Variants in RBFOX1 observed in about 807,000 individuals in gnomAD.
The protein encoded by RBFOX1 is RNA binding protein fox-1 homolog 1.
A neutral mutation model predicts 57.7 loss-of-function variants in RBFOX1; 8 were observed. The ratio of observed to expected loss-of-function variants is 0.14; its 90% CI spans 0.08 to 0.25. The LOEUF is 0.25. Among genes scored for constraint, RBFOX1 ranks in the 10% least tolerant of loss-of-function variants. The pLI, the probability that RBFOX1 is intolerant of heterozygous loss-of-function variation, is 1.00. For missense variants in RBFOX1, 611 were observed against 548.5 expected, an observed-to-expected ratio of 1.11 and a Z score of -1.14; for synonymous variants, 326 against 222.4, an observed-to-expected ratio of 1.47 and a Z score of -4.15.
intron 3 of RBFOX1, among the ~76,000 whole-genome samples, chr16:5,691,252 C>T (rs1460029360): frequency 6.6e-6 from 1 of 152,160 alleles, no homozygotes; most frequent in African/African-American, 2.4e-5. Flanking sequence ...CAGAGCAATT[C>T]AGGAGGATTG....
At chr16:7,534,068 G>C (rs1012365010) in intron 5 of RBFOX1, among the ~76,000 whole-genome samples, 1 of 149,780 alleles carries the variant, frequency 6.7e-6, no homozygotes, top group South Asian at 2.2e-4. Flanking sequence ...TCATGTCAAA[G>C]GTCCCAACGT....
At chr16:6,324,418 A>G (rs2082145661) in intron 2 of RBFOX1, among the ~76,000 whole-genome samples, 3 of 152,174 alleles carry the variant, frequency 2.0e-5, no homozygotes, top group Admixed American at 2.0e-4. Flanking sequence ...TACAGGAAGT[A>G]TGATGCTGGC....
rs2059418509 is a variant in RBFOX1, at chr16:5,947,244, A to G, written c.351+79909A>G. 1.3e-5 allele frequency among the ~76,000 whole-genome samples: 2 copies of G among 152,128 alleles called. No individual in the cohort carries two copies. The highest frequency in any genetic ancestry group is 2.4e-5 in the African/African-American group (1 of 41,436). ...AACAAAACAAACCAGAAGAAAGGCT[A>G]CTAAGGCTGGAGAGCACAGTGGGTA... On this transcript the variant is annotated intron_variant, in intron 4 of 19. Transcript: ENST00000641259. This position sits in a 1 kb window ranked among gnomAD's most constrained non-coding sequence, Gnocchi z 7.2.
intron 1 of RBFOX1, among the ~76,000 whole-genome samples, chr16:6,175,171 T>A (rs1452310966): frequency 1.3e-5 from 2 of 152,202 alleles, no homozygotes; most frequent in Non-Finnish European, 2.9e-5. Flanking sequence ...CAGCTTATAT[T>A]CATATTCATA....
rs562558434 is a variant in RBFOX1 at position 6,469,307 on chromosome 16, A to G, written c.-64+152250A>G. 3.9e-5 allele frequency among the ~76,000 whole-genome samples: 6 copies of G among 152,318 alleles called. No individual in the cohort carries two copies. In the South Asian group the frequency reaches 1.2e-3, roughly 32 times the overall value. On this transcript the variant is annotated intron_variant, in intron 2 of 15. Transcript: ENST00000550418. ...CACAAGCCAGTGACTTTCTCAAGTT[A>G]CAACCAAGGTATGGGATTCAAATGA... is the stretch of plus-strand genomic sequence containing the variant.
At chr16:5,557,917 A>G (rs55646071) in intron 2 of RBFOX1, among the ~76,000 whole-genome samples, 53,400 of 152,130 alleles carry the variant, frequency 0.35, 9,845 homozygotes, top group Admixed American at 0.39. Flanking sequence ...AACCAGAACA[A>G]TGACAGTGGA....
At chr16:5,591,144 T>G (rs974503311) in intron 2 of RBFOX1, among the ~76,000 whole-genome samples, 1 of 151,902 alleles carries the variant, frequency 6.6e-6, no homozygotes, top group African/African-American at 2.4e-5. Context: ...TCGGGTAGCA[T>G]AAAAAATATT....
intron 3 of RBFOX1, among the ~76,000 whole-genome samples, chr16:6,909,524 C>G (rs2071006691): frequency 6.6e-6 from 1 of 152,216 alleles, no homozygotes; most frequent in African/African-American, 2.4e-5. Context: ...TAAAGGCGTT[C>G]CACCTGTGTG....
intron 2 of RBFOX1, among the ~76,000 whole-genome samples, chr16:5,543,197 G>A (rs2045037994): frequency 6.6e-6 from 1 of 152,150 alleles, no homozygotes; most frequent in African/African-American, 2.4e-5. Context: ...CAAGCCCAAA[G>A]AAGTTGCAAA....
At chr16:6,969,884 A>G (rs950646069) in intron 3 of RBFOX1, among the ~76,000 whole-genome samples, 3 of 152,174 alleles carry the variant, frequency 2.0e-5, no homozygotes, top group Non-Finnish European at 2.9e-5. Flanking sequence ...TGGGTATGCA[A>G]TGTTGTGTCA....
At chr16:5,975,268 G>T in intron 4 of RBFOX1, among the ~76,000 whole-genome samples, 1 of 152,124 alleles carries the variant, frequency 6.6e-6, no homozygotes. Flanking sequence ...TCCTGCACGG[G>T]ATCTGCCTCA....
intron 4 of RBFOX1, among the ~76,000 whole-genome samples, chr16:5,912,056 C>A (rs2058614179): frequency 6.6e-6 from 1 of 152,184 alleles, no homozygotes; most frequent in South Asian, 2.1e-4. Flanking sequence ...CACCACTCCA[C>A]CCAAGCGCCA....
intron 2 of RBFOX1, among the ~76,000 whole-genome samples, chr16:5,482,208 C>T (rs2069568884): frequency 1.3e-5 from 2 of 152,174 alleles, no homozygotes; most frequent in African/African-American, 4.8e-5. Flanking sequence ...TCCAGATGAG[C>T]CATGGAGCAT....
chr16:5,855,256 T>G (rs2056995874), intron 3 of RBFOX1, among the ~76,000 whole-genome samples: 1 of 152,354 alleles, frequency 6.6e-6, no homozygotes, highest in Middle Eastern at 3.4e-3. Context: ...TTTTTGCTTT[T>G]GTTATCTGTG....
chr16:5,353,920 C>T (rs1196645046), intron 1 of RBFOX1, among the ~76,000 whole-genome samples: 2 of 151,762 alleles, frequency 1.3e-5, no homozygotes, highest in Non-Finnish European at 2.9e-5. Flanking sequence ...GCTTTGGAAA[C>T]ACATCAGCCT....
intron 3 of RBFOX1, among the ~76,000 whole-genome samples, chr16:6,729,777 A>G (rs79364013): frequency 0.04 from 6,034 of 152,226 alleles, 326 homozygotes; most frequent in Admixed American, 0.12. Flanking sequence ...TGTTCACTTA[A>G]GTTGAGTTTG....
chr16:7,372,419 A>T (rs190511293), intron 4 of RBFOX1, among the ~76,000 whole-genome samples: 84 of 152,240 alleles, frequency 5.5e-4, no homozygotes, highest in Non-Finnish European at 2.2e-4. Flanking sequence ...AGTTCTCCTT[A>T]TGCCTCTTTA....
At chr16:6,657,136 T>TCC (rs1246189191) in intron 3 of RBFOX1, among the ~76,000 whole-genome samples, 4 of 144,340 alleles carry the variant, frequency 2.8e-5, no homozygotes, top group African/African-American at 1.0e-4. Flanking sequence ...TCCTCTCCTC[T>TCC]TCTCTCCTCT....
At position 6,855,031 on chromosome 16, in the gene RBFOX1, G is replaced by C. The variant is rs757417102; in HGVS notation, c.-15-197026G>C. ...TGCCACCTAAGGACAATGTTTCACT[G>C]TTGGGAGGTGGGTGGGAGGAGTAGG... On this transcript the variant is annotated intron_variant, in intron 3 of 15. Transcript: ENST00000550418. Among the ~76,000 whole-genome samples, 76 of 152,018 alleles carry C rather than the reference G, an allele frequency of 5.0e-4. 2 individuals carry two copies. Among genetic ancestry groups the C allele is most frequent in the Admixed American group, 2.6e-4 (4 of 15,270 alleles).
Sources: gnomAD v4.1 joint callset for allele counts (sites outside exome capture counted in the v4.1 genomes callset) on GRCh38, gnomAD v4.1.1 for gene constraint, Gnocchi (gnomAD v3.1) non-coding constraint, MANE v1.5 for transcripts, NCBI Gene and HGNC (gene_info 2026-07-23, HGNC 2026-07-21) for gene names.